Variants in EFCAB6 observed in about 807,000 individuals in gnomAD.
The protein encoded by EFCAB6 is EF-hand calcium binding domain 6.
Under a neutral mutation model 169.8 loss-of-function variants are expected in EFCAB6, and 156 were observed. That is an observed-to-expected ratio of 0.92 (90% CI 0.81 to 1.05). The LOEUF is 1.05. Among genes scored for constraint, EFCAB6 ranks in the 50% least tolerant of loss-of-function variants. The pLI is 0.00. For missense variants in EFCAB6, 1,800 were observed against 1,829.1 expected (o/e 0.98, Z 0.29); for synonymous variants, 698 against 676.4 (o/e 1.03, Z -0.50).
intron 2 of EFCAB6, among the ~76,000 whole-genome samples, chr22:43,799,264 A>G (rs1239693220): frequency 1.3e-5 from 2 of 151,842 alleles, no homozygotes; most frequent in African/African-American, 4.8e-5. Flanking sequence ...CAGGAGTTCA[A>G]GGTTGCAGTG....
chr22:43,746,446 G>C (rs1186465935), intron 6 of EFCAB6, among the ~76,000 whole-genome samples: 1 of 152,168 alleles, frequency 6.6e-6, no homozygotes, highest in Non-Finnish European at 1.5e-5. Flanking sequence ...GGAAACTCGT[G>C]CTTATATAAA....
At chr22:43,764,413 C>CCA (rs1569477803) in intron 5 of EFCAB6, among the ~76,000 whole-genome samples, 2 of 152,128 alleles carry the variant, frequency 1.3e-5, no homozygotes, top group African/African-American at 2.4e-5. Context: ...TGTATATGTA[C>CCA]CACATTTTAA....
chr22:43,779,395 C>A (rs1200726132), intron 3 of EFCAB6, among the ~76,000 whole-genome samples: 1 of 152,136 alleles, frequency 6.6e-6, no homozygotes, highest in African/African-American at 2.4e-5. Flanking sequence ...GCTGATGATA[C>A]CCTCTTGTAG....
chr22:43,587,980 T>C (rs1165737836), intron 24 of EFCAB6, among the ~76,000 whole-genome samples: 1 of 152,232 alleles, frequency 6.6e-6, no homozygotes, highest in Non-Finnish European at 1.5e-5. Context: ...ACAAAATTTT[T>C]AGTATAACTC....
chr22:43,543,391 C>A (rs1294042861), intron 27 of EFCAB6, among the ~76,000 whole-genome samples: 1 of 152,212 alleles, frequency 6.6e-6, no homozygotes, highest in African/African-American at 2.4e-5. Context: ...GATCCACCTG[C>A]AAGCCCGAGG....
rs188756105 is a variant in EFCAB6, at chr22:43,701,488, T to A, written c.1031+9987A>T. The stretch of plus-strand genomic sequence containing the variant: ...TGGTTGGACCATTGTAGACAGGGCA[T>A]TGTATAGAAATGCCCATGTACAACA... On this transcript the variant is annotated intron_variant, in intron 10 of 31. Transcript: ENST00000262726. Among the ~76,000 whole-genome samples, 499 of 152,222 alleles carry A rather than the reference T, an allele frequency of 3.3e-3. 2 individuals carry two copies. Among genetic ancestry groups the A allele is most frequent in the African/African-American group, 0.012 (481 of 41,534 alleles).
At chr22:43,683,378 C>T (rs1232379581) in intron 12 of EFCAB6, among the ~76,000 whole-genome samples, 6 of 152,138 alleles carry the variant, frequency 3.9e-5, no homozygotes, top group African/African-American at 7.2e-5. Flanking sequence ...TGGTTATGAA[C>T]TGATCAACTC....
intron 17 of EFCAB6, 45 bp downstream of exon 17, chr22:43,667,059 C>T: frequency 6.3e-7 from 1 of 1,582,860 alleles, no homozygotes; most frequent in South Asian, 1.2e-5. Flanking sequence ...AAGAAAACAG[C>T]TGAACTTCTG....
chr22:43,580,436 A>G (rs1455664386), intron 25 of EFCAB6, 28 bp downstream of exon 25: 1 of 1,608,186 alleles, frequency 6.2e-7, no homozygotes, highest in African/African-American at 1.3e-5. Flanking sequence ...ATGAGTTTTC[A>G]CAGTAAAGCA....
At chr22:43,627,905 G>A (rs1331249596) in intron 19 of EFCAB6, among the ~76,000 whole-genome samples, 1 of 152,190 alleles carries the variant, frequency 6.6e-6, no homozygotes, top group African/African-American at 2.4e-5. Context: ...TACCTAATAT[G>A]TGCAATCGCC....
chr22:43,802,026 T>G (rs1271066936), intron 2 of EFCAB6, among the ~76,000 whole-genome samples: 1 of 152,186 alleles, frequency 6.6e-6, no homozygotes, highest in African/African-American at 2.4e-5. Context: ...GGAAAGGATA[T>G]TCCATGCAAA....
chr22:43,599,840 T>C (rs527624382), intron 23 of EFCAB6, among the ~76,000 whole-genome samples: 38 of 152,140 alleles, frequency 2.5e-4, no homozygotes, highest in Admixed American at 5.9e-4. Context: ...ACCCATAAAA[T>C]ATGATGAATG....
At chr22:43,698,696 G>T (rs1448678449) in intron 10 of EFCAB6, among the ~76,000 whole-genome samples, 1 of 152,126 alleles carries the variant, frequency 6.6e-6, no homozygotes, top group African/African-American at 2.4e-5. Context: ...ACCCAGCTGT[G>T]GTGGCCCAAT....
chr22:43,605,248 T>A (rs1360092342), intron 22 of EFCAB6, among the ~76,000 whole-genome samples: 1 of 152,148 alleles, frequency 6.6e-6, no homozygotes, highest in African/African-American at 2.4e-5. Context: ...AAGCTAACTA[T>A]GGGAAGAATT....
At chr22:43,749,515 T>A (rs1310405873) in intron 6 of EFCAB6, among the ~76,000 whole-genome samples, 1 of 152,016 alleles carries the variant, frequency 6.6e-6, no homozygotes, top group Non-Finnish European at 1.5e-5. Context: ...AGACACTAGT[T>A]AGATGGTTCT....
At chr22:43,609,180 G>A (rs1170259411) in intron 21 of EFCAB6, among the ~76,000 whole-genome samples, 1 of 152,156 alleles carries the variant, frequency 6.6e-6, no homozygotes, top group South Asian at 2.1e-4. Context: ...ATGATGAGGT[G>A]GATATAACGG....
At chr22:43,804,377 G>C (rs765013026) in intron 2 of EFCAB6, among the ~76,000 whole-genome samples, 6 of 151,996 alleles carry the variant, frequency 3.9e-5, no homozygotes, top group Non-Finnish European at 8.8e-5. Context: ...AAAATAGAAA[G>C]ACTTCAAAAA....
chr22:43,790,631 G>A (rs1487183019), intron 2 of EFCAB6, among the ~76,000 whole-genome samples: 1 of 152,234 alleles, frequency 6.6e-6, no homozygotes, highest in African/African-American at 2.4e-5. Flanking sequence ...GCCAGTGTGA[G>A]GCTTGGCTCT....
intron 2 of EFCAB6, among the ~76,000 whole-genome samples, chr22:43,796,946 G>A (rs1472297478): frequency 6.6e-6 from 1 of 152,158 alleles, no homozygotes; most frequent in African/African-American, 2.4e-5. Context: ...CAGTTGTCTA[G>A]TATTTCCATT....
Sources: gnomAD v4.1 joint callset for allele counts (sites outside exome capture counted in the v4.1 genomes callset) on GRCh38, gnomAD v4.1.1 for gene constraint, MANE v1.5 for transcripts, NCBI Gene and HGNC (gene_info 2026-07-23, HGNC 2026-07-21) for gene names.